TBC1D26: variants seen among roughly 807,000 people sequenced by gnomAD.
TBC1D26 encodes the protein TBC1 domain family member 26, also known as TBC1 domain family, member 26.
A neutral mutation model predicts 42.5 loss-of-function variants in TBC1D26; 19 were observed. That is an observed-to-expected ratio of 0.45 (90% CI 0.31 to 0.66). TBC1D26 has a LOEUF of 0.66. TBC1D26 is among the 30% of genes least tolerant of loss of function. The pLI is 0.06. For missense variants in TBC1D26, 228 were observed against 332.6 expected, an observed-to-expected ratio of 0.69 and a Z score of 2.45; for synonymous variants, 97 against 123.5, an observed-to-expected ratio of 0.79 and a Z score of 1.42.
chr17:15,739,063 G>A (rs1157023415), intron 8 of TBC1D26, among the ~76,000 whole-genome samples: 2 of 145,204 alleles, frequency 1.4e-5, no homozygotes, highest in Non-Finnish European at 3.0e-5. Flanking sequence ...GAGACGGAAG[G>A]CAGAAAAAAA....
At position 15,742,312 on chromosome 17, in the gene TBC1D26, G is replaced by A. The variant is rs141379803; in HGVS notation, c.742-102G>A. The A allele has an allele frequency of 2.5e-3, 1,237 of 487,654 alleles. 13 individuals carry two copies. Among genetic ancestry groups the A allele is most frequent in the African/African-American group, 0.022 (1,123 of 51,196 alleles). 30.2% of individuals were successfully genotyped at this position (487,654 alleles called of 1,614,324 possible). The stretch of plus-strand genomic sequence containing the variant: ...GGCAGGTGTTGGAGCCCTGGCCACC[G>A]CCCTGGGTTGTGCCATTAAGGAAGG... On this transcript the variant is annotated intron_variant, in intron 11 of 14. Transcript: ENST00000437605.
chr17:15,736,243 T>C (rs1257398201), intron 4 of TBC1D26, among the ~76,000 whole-genome samples: 23 of 151,738 alleles, frequency 1.5e-4, no homozygotes, highest in Admixed American at 2.0e-4. Flanking sequence ...GCCCCGGGAG[T>C]GGTGCAGGGA....
chr17:15,740,423 C>G, intron 9 of TBC1D26: 1 of 1,392,348 alleles, frequency 7.2e-7, no homozygotes, highest in Non-Finnish European at 9.3e-7. Context: ...ACAGGATGGT[C>G]CTTGTAGGAG....
chr17:15,743,922 C>A (rs1298972407), intron 14 of TBC1D26: 1 of 152,154 alleles, frequency 6.6e-6, no homozygotes. Context: ...CACACCACTG[C>A]ACTCCAACCT....
chr17:15,732,711 A>C (rs2151495750), intron 1 of TBC1D26, among the ~76,000 whole-genome samples: 1 of 152,076 alleles, frequency 6.6e-6, no homozygotes, highest in East Asian at 1.9e-4. Context: ...CTGGCCCCTG[A>C]TGGGGCAGAG....
rs143832997 is a variant in TBC1D26 at position 15,740,054 on chromosome 17, G to A, written c.498-46G>A. 1.9e-4 allele frequency: 305 copies of A among 1,583,884 alleles called. No individual in the cohort carries two copies. The African/African-American group carries it at 3.6e-3, about 19-fold the overall frequency. ...TTGTAGACAAAATGAAATTGACAGCGTCTGCACACACACAAAAAAAAAACC... is the reference window on the plus strand; with the variant it reads ...TTGTAGACAAAATGAAATTGACAGCATCTGCACACACACAAAAAAAAAACC... On this transcript the variant is annotated intron_variant, in intron 8 of 14. Coordinates refer to ENST00000437605, the MANE Select transcript of TBC1D26 (RefSeq NM_001388465.1).
In TBC1D26 at chr17:15,735,456, G is replaced by T. The variant is rs776180360; in HGVS notation, c.75+33G>T. On this transcript the variant is annotated intron_variant, in intron 3 of 14. Transcript: ENST00000437605. ...TTGGGCCGCTCCCTCAAGGGAAGCA[G>T]GGCCTCGCCTCTCCCGCTGTGCCCT... is the stretch of plus-strand genomic sequence containing the variant. 6 of 1,596,726 alleles carry T rather than the reference G, an allele frequency of 3.8e-6. No individual in the cohort carries two copies. The East Asian group carries it at 1.1e-4, about 30-fold the overall frequency.
intron 9 of TBC1D26, chr17:15,740,881 A>G (rs1289699051): frequency 3.1e-6 from 2 of 646,328 alleles, no homozygotes; most frequent in African/African-American, 1.8e-5. Context: ...CTTTCGGGCC[A>G]TGTGAGCTTG....
intron 10 of TBC1D26, chr17:15,741,477 C>T (rs747399572): frequency 1.3e-4 from 74 of 577,012 alleles, no homozygotes; most frequent in Non-Finnish European, 2.1e-4. Context: ...CCCCTGGCTG[C>T]CCTCTGTCGT....
At position 15,736,711 on chromosome 17, in the gene TBC1D26, C is replaced by T. The variant is rs1293700468; in HGVS notation, c.159-773C>T. 2.0e-5 allele frequency among the ~76,000 whole-genome samples: 3 copies of T among 152,250 alleles called. No homozygotes were observed. The East Asian group carries it at 5.8e-4, about 29-fold the overall frequency. ...TGAGGCTGGAGCAGGAGTGCTGGGG[C>T]CAGCCCCACTGCCTGCAGGGCCCTT... On this transcript the variant is annotated intron_variant, in intron 4 of 14. Transcript: ENST00000437605.
At chr17:15,741,911 C>T in intron 10 of TBC1D26, 31 bp from the exon 11 acceptor site, 1 of 1,610,038 alleles carries the variant, frequency 6.2e-7, no homozygotes, top group African/African-American at 1.3e-5. Context: ...GGCGTGGGGT[C>T]TGATGGGGTG....
In TBC1D26 at chr17:15,741,478, C is replaced by T. The variant is rs1413912354; in HGVS notation, c.646+257C>T. On this transcript the variant is annotated intron_variant, in intron 10 of 14. Coordinates refer to ENST00000437605, the MANE Select transcript of TBC1D26 (RefSeq NM_001388465.1). ...GGCATGGATACCTCCCCCTGGCTGC[C>T]CTCTGTCGTCCGAAGCCAGCCCCAA... 1.6e-5 allele frequency: 9 copies of T among 566,138 alleles called. 1 individual carries two copies. The East Asian group carries it at 3.0e-4, about 19-fold the overall frequency. The allele number at this position is 566,138 out of a possible 1,614,324, so 35.1% of individuals were successfully genotyped here.
At chr17:15,741,021 G>C in intron 9 of TBC1D26, 101 bp from the exon 10 acceptor site, 1 of 1,491,898 alleles carries the variant, frequency 6.7e-7, no homozygotes, top group Admixed American at 1.7e-5. Flanking sequence ...CCTGAGGCAG[G>C]TGTCCCCAAA....
chr17:15,738,326 G>A lies in TBC1D26; in HGVS notation c.326G>A (p.Arg109Gln), dbSNP rs201513623. Residue 109 changes from arginine to glutamine, a missense_variant, in exon 7 of 15, where the codon CGG (arginine) becomes CAG (glutamine). Coordinates refer to ENST00000437605, the MANE Select transcript of TBC1D26 (RefSeq NM_001388465.1). ...YKVIPLAVRG[R>Q]AWSLLLDIDR... Reference sequence around the variant, plus strand: ...GTCATTCCCCTGGCGGTACGGGGCCGGGCGTGGTCACTTTTGCTAGATATT... The same window carrying A: ...GTCATTCCCCTGGCGGTACGGGGCCAGGCGTGGTCACTTTTGCTAGATATT... 591 of 1,613,710 alleles carry A rather than the reference G, an allele frequency of 3.7e-4. 1 individual carries two copies. Among genetic ancestry groups the A allele is most frequent in the Non-Finnish European group, 4.5e-4 (530 of 1,180,016 alleles).
chr17:15,736,632 T>A (rs1488137631), intron 4 of TBC1D26: 1 of 152,166 alleles, frequency 6.6e-6, no homozygotes, highest in East Asian at 1.9e-4. Flanking sequence ...TCCTGGTTTT[T>A]GCAGTGGCTG....
rs372050418 is a variant in TBC1D26, at chr17:15,741,190, T to G, written c.615T>G (p.Asp205Glu). 6.2e-7 allele frequency: 1 copy of G among 1,613,778 alleles called. No homozygotes were observed. ...TCCTCCTGTGTCTGCCAGAGGAAGA[T>G]GCTTTCTGGGCGCTTACCCAGTTGC... is the stretch of plus-strand genomic sequence containing the variant. ...AILLLCLPEEDAFWALTQLLA... is the reference protein window; with the variant it reads ...AILLLCLPEEEAFWALTQLLA... The change falls in exon 10 of 15, where the codon GAT (aspartate) becomes GAG (glutamate). Residue 205 changes from aspartate to glutamate, a missense_variant. Asp to Glu is a conservative substitution (Grantham distance 45, BLOSUM62 2). Around this residue, in one of 5 missense-constraint regions of TBC1D26, gnomAD observed 130 missense variants for 168.5 expected, o/e 0.77. Coordinates refer to ENST00000437605, the MANE Select transcript of TBC1D26 (RefSeq NM_001388465.1).
Position 15,742,089 on chromosome 17 carries a change from C to G in TBC1D26, c.741+53C>G, listed in dbSNP as rs1006243234. ...ACCAGACGCCCTGGCCCCCATAGGC[C>G]AGGGGAGGCTCAAGTCCCTCATGGG... On this transcript the variant is annotated intron_variant, in intron 11 of 14. Transcript: ENST00000437605. 3 of 1,518,290 alleles carry G rather than the reference C, an allele frequency of 2.0e-6. No individual in the cohort carries two copies. In the African/African-American group the frequency reaches 4.1e-5, roughly 21 times the overall value. 94.1% of individuals were successfully genotyped at this position (1,518,290 alleles called of 1,614,324 possible).
Position 15,742,275 on chromosome 17 carries a change from G to A in TBC1D26, c.742-139G>A, listed in dbSNP as rs73978528. ...GCTAAAAGAAGTGTGTCCACCGGGCGTCCGTGCATGGGGCAGGTGTTGGAG... is the reference window on the plus strand; with the variant it reads ...GCTAAAAGAAGTGTGTCCACCGGGCATCCGTGCATGGGGCAGGTGTTGGAG... On this transcript the variant is annotated intron_variant, in intron 11 of 14. Coordinates refer to ENST00000437605, the MANE Select transcript of TBC1D26 (RefSeq NM_001388465.1). 1,277 of 538,818 alleles carry A rather than the reference G, an allele frequency of 2.4e-3. 2 individuals carry two copies. The highest frequency in any genetic ancestry group is 0.02 in the African/African-American group (1,063 of 52,528). 33.4% of individuals were successfully genotyped at this position (538,818 alleles called of 1,614,324 possible).
rs1434798775 is a variant in TBC1D26, at chr17:15,735,334, A to G, written c.-1-14A>G. ...TTGGGTGCGGGAGAGCCTTGGGATG[A>G]CTTTGTCTTGCAGGATGGAGATGGA... On this transcript the variant is annotated splice_polypyrimidine_tract_variant and intron_variant, in intron 2 of 14. Coordinates refer to ENST00000437605, the MANE Select transcript of TBC1D26 (RefSeq NM_001388465.1). 6.2e-7 allele frequency: 1 copy of G among 1,613,640 alleles called. No individual in the cohort carries two copies. The highest frequency in any genetic ancestry group is 8.5e-7 in the Non-Finnish European group (1 of 1,179,740).
Sources: allele counts gnomAD v4.1 joint callset (sites outside exome capture counted in the v4.1 genomes callset), GRCh38; gene constraint gnomAD v4.1.1; regional missense constraint gnomAD v4.1.1; transcripts MANE v1.5; gene names NCBI Gene and HGNC (gene_info 2026-07-23, HGNC 2026-07-21).